OLFML2B: variants seen among roughly 807,000 people sequenced by gnomAD.
OLFML2B encodes the protein olfactomedin like 2B, also known as olfactomedin-like protein 2B.
Under a neutral mutation model 74.9 loss-of-function variants are expected in OLFML2B, and 57 were observed. That is an observed-to-expected ratio of 0.76 (90% CI 0.61 to 0.95). OLFML2B has a LOEUF of 0.95. Among genes scored for constraint, OLFML2B ranks in the 40% least tolerant of loss-of-function variants. The probability of loss-of-function intolerance (pLI) is 0.00; values close to 1 mark genes in which losing one functional copy is unlikely to be tolerated. For missense variants in OLFML2B, 986 were observed against 970.6 expected, an observed-to-expected ratio of 1.02 and a Z score of -0.21; for synonymous variants, 388 against 405.8, an observed-to-expected ratio of 0.96 and a Z score of 0.53.
chr1:162,008,654 T>C (rs1171257683), intron 3 of OLFML2B, among the ~76,000 whole-genome samples: 2 of 152,224 alleles, frequency 1.3e-5, no homozygotes, highest in South Asian at 2.1e-4. Context: ...TTCAGCAGCA[T>C]CAGCATCACA....
chr1:162,016,666 C>T (rs931253167), intron 3 of OLFML2B, among the ~76,000 whole-genome samples: 7 of 152,124 alleles, frequency 4.6e-5, no homozygotes, highest in African/African-American at 1.7e-4. Flanking sequence ...GAATAATGAT[C>T]GTTAGTTACT....
chr1:162,018,239 G>A (rs1329174714), intron 2 of OLFML2B, among the ~76,000 whole-genome samples: 1 of 152,118 alleles, frequency 6.6e-6, no homozygotes. Flanking sequence ...CATGACGTGA[G>A]TTTACCTCTA....
chr1:162,015,961 C>T (rs962537211), intron 3 of OLFML2B, among the ~76,000 whole-genome samples: 1 of 152,180 alleles, frequency 6.6e-6, no homozygotes, highest in African/African-American at 2.4e-5. Flanking sequence ...GACCTACCAA[C>T]CCTCCCAGAG....
intron 7 of OLFML2B, 146 bp from the exon 8 acceptor site, chr1:161,984,422 A>G (rs1268937014): frequency 3.7e-6 from 4 of 1,075,286 alleles, no homozygotes; most frequent in African/African-American, 1.6e-5. Flanking sequence ...CCTGTAGCAC[A>G]TCACTCAACC....
chr1:162,017,469 A>G lies in OLFML2B; in HGVS notation c.477T>C (p.Tyr159=). The G allele has an allele frequency of 1.2e-6, 2 of 1,613,504 alleles. No homozygotes were observed. Among genetic ancestry groups the G allele is most frequent in the South Asian group, 1.1e-5 (1 of 90,890 alleles). The stretch of plus-strand genomic sequence containing the variant: ...AATGTAGCTTCAGGAGATCCAGGCC[A>G]TAGAACGCTCCTTCCAACATGTCTA... ...TIIDMLEGAF[Y]GLDLLKLHSV... is the part of the protein sequence containing the mutation. The change falls in exon 3 of 8, where the codon TAT becomes TAC. Residue 159 remains tyrosine, a synonymous_variant. Coordinates refer to ENST00000294794, the MANE Select transcript of OLFML2B (RefSeq NM_015441.3).
At chr1:161,994,710 C>T (rs1689839297) in intron 6 of OLFML2B, among the ~76,000 whole-genome samples, 1 of 152,220 alleles carries the variant, frequency 6.6e-6, no homozygotes. Flanking sequence ...TATTTTTCCT[C>T]TCCCTGTCCT....
rs773141093 is a variant in OLFML2B, at chr1:161,998,228, G to A, written c.1071C>T (p.Ser357=). ...RRPAATRQGH[S]TAVTSDLNAR... is the part of the protein sequence containing the mutation. ...CGTTCAGGTCGCTTGTCACAGCAGTGCTGTGTCCCTGACGGGTGGCTGCAG... is the reference window on the plus strand; with the variant it reads ...CGTTCAGGTCGCTTGTCACAGCAGTACTGTGTCCCTGACGGGTGGCTGCAG... Residue 357 remains serine, a synonymous_variant, in exon 6 of 8, where the codon AGC becomes AGT. Coordinates refer to ENST00000294794, the MANE Select transcript of OLFML2B (RefSeq NM_015441.3). 71 of 1,613,736 alleles carry A rather than the reference G, an allele frequency of 4.4e-5. No individual in the cohort carries two copies. In the East Asian group the frequency reaches 9.8e-4, roughly 22 times the overall value.
chr1:162,007,087 C>T (rs1401393616), intron 3 of OLFML2B, among the ~76,000 whole-genome samples: 6 of 152,254 alleles, frequency 3.9e-5, no homozygotes, highest in African/African-American at 1.4e-4. Flanking sequence ...TGACCCCTCA[C>T]TTGGCAAATT....
Position 161,998,137 on chromosome 1 carries a change from G to C in OLFML2B, c.1162C>G (p.His388Asp). The C allele has an allele frequency of 6.2e-7, 1 of 1,614,096 alleles. No homozygotes were observed. The highest frequency in any genetic ancestry group is 1.1e-5 in the South Asian group (1 of 91,086). The change falls in exon 6 of 8, where the codon CAT (histidine) becomes GAT (aspartate). Residue 388 changes from histidine to aspartate, a missense_variant. Physicochemically the swap from His to Asp is moderately conservative, Grantham distance 81 (BLOSUM62 -1). Transcript: ENST00000294794. ...PSTSDPSIAN[H>D]ASVGPTLQTT... The stretch of plus-strand genomic sequence containing the variant: ...TGGAGTGTTGGTCCCACTGAGGCAT[G>C]GTTGGCGATGCTGGGATCTGAGGTC...
intron 6 of OLFML2B, among the ~76,000 whole-genome samples, chr1:161,995,573 C>T (rs890117767): frequency 1.3e-5 from 2 of 152,094 alleles, no homozygotes; most frequent in East Asian, 1.9e-4. Flanking sequence ...ATGGCAAAGT[C>T]CTGGGGAGGC....
Position 162,023,298 on chromosome 1 carries a change from G to C in OLFML2B, c.133C>G (p.Leu45Val). The change falls in exon 1 of 8, where the codon CTG becomes GTG. Residue 45 changes from leucine (L) to valine (V), a missense_variant. Physicochemically the swap from Leu to Val is conservative, Grantham distance 32 (BLOSUM62 1). Transcript: ENST00000294794. ...TCCTGGTTGTCCGCCTCGTTTTGCA[G>C]AGTCTCGTCCTCCGCAGGCGCCACT... ...QTVAPAEDET[L>V]QNEADNQENV... 1.3e-6 allele frequency: 2 copies of C among 1,584,080 alleles called. No homozygotes were observed. The highest frequency in any genetic ancestry group is 2.3e-5 in the East Asian group (1 of 43,394).
intron 5 of OLFML2B, among the ~76,000 whole-genome samples, chr1:161,999,663 G>T (rs1319453452): frequency 6.6e-6 from 1 of 152,152 alleles, no homozygotes; most frequent in Non-Finnish European, 1.5e-5. Context: ...ATGTGAAAAG[G>T]GATCGTCTCT....
intron 6 of OLFML2B, among the ~76,000 whole-genome samples, chr1:161,989,231 C>T (rs1242978607): frequency 2.0e-5 from 3 of 152,202 alleles, no homozygotes; most frequent in Non-Finnish European, 2.9e-5. Context: ...CCAAGTGCAG[C>T]CCAGAGTCCC....
intron 4 of OLFML2B, among the ~76,000 whole-genome samples, chr1:162,002,327 G>A (rs1690103268): frequency 6.6e-6 from 1 of 152,192 alleles, no homozygotes; most frequent in Non-Finnish European, 1.5e-5. Flanking sequence ...TCAACCAGGG[G>A]GAGGTGAGTG....
chr1:162,009,483 G>A (rs983874570), intron 3 of OLFML2B, among the ~76,000 whole-genome samples: 10 of 152,176 alleles, frequency 6.6e-5, no homozygotes, highest in African/African-American at 2.4e-4. Flanking sequence ...GGTTTCTAGG[G>A]CCCTAGGGAG....
intron 1 of OLFML2B, among the ~76,000 whole-genome samples, chr1:162,021,456 C>T (rs552329519): frequency 4.2e-4 from 64 of 152,314 alleles, no homozygotes; most frequent in Non-Finnish European, 8.1e-4. Flanking sequence ...GGCCCTACAT[C>T]CCCAAAGCCA....
intron 1 of OLFML2B, among the ~76,000 whole-genome samples, chr1:162,020,662 G>C (rs1690678559): frequency 6.6e-6 from 1 of 152,048 alleles, no homozygotes; most frequent in Non-Finnish European, 1.5e-5. Context: ...AAGTAGCTGG[G>C]ATTATAGGCA....
At chr1:162,002,411 C>T (rs935725699) in intron 4 of OLFML2B, among the ~76,000 whole-genome samples, 1 of 152,218 alleles carries the variant, frequency 6.6e-6, no homozygotes, top group African/African-American at 2.4e-5. Flanking sequence ...GGAAACAAAA[C>T]CTGTGTTCCT....
rs193122249 is a variant in OLFML2B at position 162,011,289 on chromosome 1, A to G, written c.547-4816T>C. Among the ~76,000 whole-genome samples the G allele has an allele frequency of 4.1e-3, 623 of 152,346 alleles. 12 individuals are homozygous for G. Among genetic ancestry groups the G allele is most frequent in the Admixed American group, 0.038 (577 of 15,304 alleles). On this transcript the variant is annotated intron_variant, in intron 3 of 7. Transcript: ENST00000294794. ...GCACAGGGCTAAGATACAGATGGCA[A>G]GCCCAAGGGCAGATGGGACATAGTT...
Sources: allele counts gnomAD v4.1 joint callset (sites outside exome capture counted in the v4.1 genomes callset), GRCh38; gene constraint gnomAD v4.1.1; transcripts MANE v1.5; gene names NCBI Gene and HGNC (gene_info 2026-07-23, HGNC 2026-07-21).